The following RECQL variants were observed in gnomAD, a reference collection of about 807,000 sequenced individuals.
The protein encoded by RECQL is ATP-dependent DNA helicase Q1.
Under a neutral mutation model 75.8 loss-of-function variants are expected in RECQL, and 73 were observed. That is an observed-to-expected ratio of 0.96 (90% CI 0.80 to 1.17). RECQL has a LOEUF of 1.17. RECQL is among the 50% of genes most tolerant of loss of function. The pLI is 0.00. For synonymous variants in RECQL, 248 were observed against 254.4 expected, an observed-to-expected ratio of 0.97 and a Z score of 0.24; for missense variants, 699 against 772.1, an observed-to-expected ratio of 0.91 and a Z score of 1.12.
At position 21,491,568 on chromosome 12, in the gene RECQL, G is replaced by C. The variant is rs769541912; in HGVS notation, c.165C>G (p.Ala55=). Reference sequence around the variant, plus strand: ...AAGAATCATATTCATTGCTTGCCCCGGCATCAGAATCCTCTAAACACTGCT... The same window carrying C: ...AAGAATCATATTCATTGCTTGCCCCCGCATCAGAATCCTCTAAACACTGCT... The part of the protein sequence containing the change: ...KIKQCLEDSD[A]GASNEYDSSP... Residue 55 remains alanine, a synonymous_variant, in exon 3 of 15, where the codon GCC becomes GCG. Transcript: ENST00000444129. 1 of 1,611,190 alleles carries C rather than the reference G, an allele frequency of 6.2e-7. No homozygotes were observed. The highest frequency in any genetic ancestry group is 8.5e-7 in the Non-Finnish European group (1 of 1,179,536).
chr12:21,490,859 CA>C (rs1182965156), intron 3 of RECQL, among the ~76,000 whole-genome samples: 3 of 149,902 alleles, frequency 2.0e-5, no homozygotes, highest in Admixed American at 1.3e-4. Context: ...ATCTCAAAAA[CA>C]AAAAAAAAGT....
chr12:21,494,131 G>A (rs1333047586), intron 2 of RECQL, among the ~76,000 whole-genome samples: 1 of 152,124 alleles, frequency 6.6e-6, no homozygotes. Flanking sequence ...GGGAGATAGA[G>A]TAAGAAAGAG....
intron 3 of RECQL, 125 bp downstream of exon 3, chr12:21,491,394 A>G: frequency 1.2e-6 from 1 of 853,118 alleles, no homozygotes; most frequent in South Asian, 1.9e-5. Flanking sequence ...TTCCCATTCC[A>G]CTGGAGAAAT....
chr12:21,499,404 C>A (rs1943564193), intron 2 of RECQL, 151 bp downstream of exon 2: 2 of 668,008 alleles, frequency 3.0e-6, no homozygotes, highest in Admixed American at 6.3e-5. Context: ...TAATGGTTAG[C>A]ATGGCAAAGT....
intron 6 of RECQL, among the ~76,000 whole-genome samples, chr12:21,479,890 G>A (rs532137631): frequency 4.6e-5 from 7 of 152,288 alleles, no homozygotes; most frequent in African/African-American, 1.7e-4. Context: ...GGAGGTGGCA[G>A]GGAAGAGGGA....
At chr12:21,471,722 T>TA in intron 12 of RECQL, 75 bp from the exon 13 acceptor site, 1 of 1,155,300 alleles carries the variant, frequency 8.7e-7, no homozygotes, top group Non-Finnish European at 1.3e-6. Context: ...CTTAAGTAGT[T>TA]AAACTGGTTT....
At chr12:21,475,948 T>C (rs1943080182) in intron 8 of RECQL, 124 bp from the exon 9 acceptor site, 1 of 786,250 alleles carries the variant, frequency 1.3e-6, no homozygotes, top group Non-Finnish European at 2.0e-6. Context: ...TTATGAAAAA[T>C]TTCAAGGCCT....
Position 21,479,781 on chromosome 12 carries a change from A to G in RECQL, c.701-1812T>C, listed in dbSNP as rs142163881. On this transcript the variant is annotated intron_variant, in intron 6 of 14. Coordinates refer to ENST00000444129, the MANE Select transcript of RECQL (RefSeq NM_002907.4). ...GATGGCAGTAACAGACCAGAAAACA[A>G]ATAATACAGAATATAAAATGAGACA... Among the ~76,000 whole-genome samples the G allele has an allele frequency of 3.7e-3, 569 of 152,348 alleles. 5 individuals are homozygous for G. Among genetic ancestry groups the G allele is most frequent in the African/African-American group, 0.013 (537 of 41,576 alleles).
In RECQL at chr12:21,486,499, A is replaced by C. The variant is rs1399123660; in HGVS notation, c.481T>G (p.Leu161Val). 1.3e-6 allele frequency: 2 copies of C among 1,598,582 alleles called. No individual in the cohort carries two copies. The highest frequency in any genetic ancestry group is 1.7e-6 in the Non-Finnish European group (2 of 1,175,740). Reference protein sequence around the residue: ...LKQLGISATMLNASSSKEHVK... With the variant: ...LKQLGISATMVNASSSKEHVK... ...CATACCTTAGAACTAGAAGCATTTA[A>C]CATGGTTGCTGAAATTCCTAATTGT... Residue 161 changes from leucine (L) to valine (V), a missense_variant, in exon 5 of 15, where the codon TTA becomes GTA. By Grantham distance (32) the Leu-to-Val change is conservative (BLOSUM62 1). This residue lies in a region of RECQL where 669 missense variants were observed against 713.5 expected (regional missense o/e 0.94). Coordinates refer to ENST00000444129, the MANE Select transcript of RECQL (RefSeq NM_002907.4).
At chr12:21,495,457 G>A (rs1223119564) in intron 2 of RECQL, among the ~76,000 whole-genome samples, 3 of 152,084 alleles carry the variant, frequency 2.0e-5, no homozygotes, top group Admixed American at 6.5e-5. Flanking sequence ...TTAGCCAGGC[G>A]TGGTGGCGGG....
At chr12:21,478,660 CAG>C (rs1025437461) in intron 6 of RECQL, among the ~76,000 whole-genome samples, 5 of 152,158 alleles carry the variant, frequency 3.3e-5, no homozygotes, top group Admixed American at 1.3e-4. Context: ...GGCTAAGTCA[CAG>C]AGTCTTGTGG....
intron 4 of RECQL, among the ~76,000 whole-genome samples, chr12:21,487,827 A>G (rs964635673): frequency 6.6e-6 from 1 of 152,140 alleles, no homozygotes; most frequent in African/African-American, 2.4e-5. Context: ...GTGAGGGTGT[A>G]GCAAGAAGGT....
At chr12:21,489,155 A>G (rs1943361562) in intron 4 of RECQL, among the ~76,000 whole-genome samples, 1 of 152,236 alleles carries the variant, frequency 6.6e-6, no homozygotes, top group Non-Finnish European at 1.5e-5. Flanking sequence ...GCTTGCAATT[A>G]CCTGTATTCT....
At chr12:21,497,691 T>C (rs1943533810) in intron 2 of RECQL, among the ~76,000 whole-genome samples, 1 of 152,210 alleles carries the variant, frequency 6.6e-6, no homozygotes, top group South Asian at 2.1e-4. Context: ...CGACAAAGTA[T>C]AATCATAATT....
intron 5 of RECQL, among the ~76,000 whole-genome samples, chr12:21,484,575 G>C (rs1943254215): frequency 6.6e-6 from 1 of 152,090 alleles, no homozygotes; most frequent in South Asian, 2.1e-4. Context: ...GGGCTTCTTA[G>C]AGGTATGGCT....
At chr12:21,477,994 T>A (rs2137351502) in intron 6 of RECQL, 25 bp from the exon 7 acceptor site, 1 of 1,582,342 alleles carries the variant, frequency 6.3e-7, no homozygotes, top group South Asian at 1.2e-5. Context: ...AAAGTGGCCC[T>A]TTTTCTATCC....
intron 14 of RECQL, 24 bp from the exon 15 acceptor site, chr12:21,470,370 A>G (rs1942915966): frequency 1.3e-6 from 2 of 1,492,858 alleles, no homozygotes; most frequent in Non-Finnish European, 9.0e-7. Context: ...AAAAAAACAA[A>G]GCAAGCACCT....
intron 7 of RECQL, among the ~76,000 whole-genome samples, 180 bp downstream of exon 7, chr12:21,477,623 G>T (rs1943110401): frequency 6.6e-6 from 1 of 152,026 alleles, no homozygotes; most frequent in Non-Finnish European, 1.5e-5. Flanking sequence ...TCTAACAAAG[G>T]TTTATGTAGC....
chr12:21,471,119 C>T (rs199859439), intron 13 of RECQL, 21 bp from the exon 14 acceptor site: 1 of 1,546,244 alleles, frequency 6.5e-7, no homozygotes, highest in Non-Finnish European at 8.6e-7. Flanking sequence ...TAAAGGCCAA[C>T]AATAAGAAAG....
Sources: gnomAD v4.1 joint callset for allele counts (sites outside exome capture counted in the v4.1 genomes callset) on GRCh38, gnomAD v4.1.1 for gene constraint, gnomAD v4.1.1 regional missense constraint, MANE v1.5 for transcripts, NCBI Gene and HGNC (gene_info 2026-07-23, HGNC 2026-07-21) for gene names.